Variants in MPP4 observed in about 807,000 individuals in gnomAD.
The protein encoded by MPP4 is MAGUK p55 subfamily member 4.
MPP4 carries 91 observed loss-of-function variants against 98.3 expected under a neutral mutation model. The observed-to-expected ratio is 0.93, with a 90% CI of 0.78 to 1.10. The LOEUF (loss-of-function observed/expected upper bound fraction) is 1.10, where lower values mean the gene tolerates loss of function less well. Ranked by LOEUF, MPP4 falls within the 50% of genes least tolerant of loss-of-function variation. The probability of loss-of-function intolerance (pLI) is 0.00; values close to 1 mark genes in which losing one functional copy is unlikely to be tolerated. For missense variants in MPP4, 744 were observed against 792.9 expected (o/e 0.94, Z 0.74); for synonymous variants, 261 against 271.8 (o/e 0.96, Z 0.39).
chr2:201,654,124 C>T (rs1243391168), intron 18 of MPP4, among the ~76,000 whole-genome samples: 1 of 151,936 alleles, frequency 6.6e-6, no homozygotes, highest in Non-Finnish European at 1.5e-5. Flanking sequence ...TACAGGCATG[C>T]AGCACCACAC....
chr2:201,693,813 T>C, intron 2 of MPP4, 63 bp downstream of exon 2: 1 of 1,581,510 alleles, frequency 6.3e-7, no homozygotes, highest in East Asian at 2.2e-5. Context: ...GCCTATTCAT[T>C]TGATCACATG....
Position 201,660,479 on chromosome 2 carries a change from AAG to A in MPP4, c.1073-135_1073-134del, listed in dbSNP as rs1474240402. 6 of 890,674 alleles carry A rather than the reference AAG, an allele frequency of 6.7e-6. No individual in the cohort carries two copies. In the African/African-American group the frequency reaches 9.9e-5, roughly 15 times the overall value. The allele number at this position is 890,674 out of a possible 1,614,324, so 55.2% of individuals were successfully genotyped here. On this transcript the variant is annotated intron_variant, in intron 14 of 21. Transcript: ENST00000409474. ...ACCACTAGCAAAAGGTAACTCGGGT[AAG>A]GCCTGGCAAGGCAAATGATCACCAC...
In MPP4 at chr2:201,647,761, A is replaced by G. The variant is rs1305921958; in HGVS notation, c.1649T>C (p.Met550Thr). ...TTTCCGAGATTGTTTCATACACCTC[A>G]TATTCGATGGCTTTATAAATATGAC... Reference protein sequence around the residue: ...PYVIFIKPSNMRCMKQSRKNA... With the variant: ...PYVIFIKPSNTRCMKQSRKNA... The change falls in exon 21 of 22, where the codon ATG (methionine) becomes ACG (threonine). Residue 550 changes from methionine (M) to threonine (T), a missense_variant. By Grantham distance (81) the Met-to-Thr change is moderately conservative. Coordinates refer to ENST00000409474, the MANE Select transcript of MPP4 (RefSeq NM_033066.3). 6.2e-7 allele frequency: 1 copy of G among 1,613,956 alleles called. No individual in the cohort carries two copies. The highest frequency in any genetic ancestry group is 8.5e-7 in the Non-Finnish European group (1 of 1,179,834).
chr2:201,667,557 T>C (rs920529266), intron 12 of MPP4, among the ~76,000 whole-genome samples: 9 of 152,228 alleles, frequency 5.9e-5, no homozygotes, highest in African/African-American at 2.2e-4. Flanking sequence ...TTAAATTGAG[T>C]TTTCTTTTAA....
intron 10 of MPP4, among the ~76,000 whole-genome samples, chr2:201,676,940 T>C (rs1688522302): frequency 6.6e-6 from 1 of 152,214 alleles, no homozygotes; most frequent in Non-Finnish European, 1.5e-5. Context: ...CTTCCCTTCC[T>C]TCTGCTCAGT....
At position 201,649,704 on chromosome 2, in the gene MPP4, A is replaced by C; in HGVS notation, c.1476-20T>G. 1 of 1,534,838 alleles carries C rather than the reference A, an allele frequency of 6.5e-7. No individual in the cohort carries two copies. Among genetic ancestry groups the C allele is most frequent in the East Asian group, 2.3e-5 (1 of 44,126 alleles). On this transcript the variant is annotated intron_variant, in intron 19 of 21. Coordinates refer to ENST00000409474, the MANE Select transcript of MPP4 (RefSeq NM_033066.3). The stretch of plus-strand genomic sequence containing the variant: ...AGCATCCTGCAAGAGCAGGCCAAAC[A>C]AAACAGAACACTTTCTACAAGGAAA...
chr2:201,677,138 A>G (rs563660987), intron 10 of MPP4, among the ~76,000 whole-genome samples: 42 of 151,468 alleles, frequency 2.8e-4, no homozygotes, highest in South Asian at 2.7e-3. Context: ...TGGTAGTCTG[A>G]TCTCTCTCTA....
chr2:201,690,046 T>C (rs779549516), intron 4 of MPP4, among the ~76,000 whole-genome samples, 156 bp downstream of exon 4: 4 of 152,208 alleles, frequency 2.6e-5, no homozygotes, highest in Admixed American at 6.5e-5. Context: ...CCAGCCAATG[T>C]TCTTCCTTAT....
intron 5 of MPP4, 135 bp from the exon 6 acceptor site, chr2:201,686,185 G>A: frequency 9.9e-7 from 1 of 1,012,614 alleles, no homozygotes; most frequent in Non-Finnish European, 1.4e-6. Context: ...ACAGTGCGAA[G>A]CATTTTATAT....
At chr2:201,689,265 C>T (rs1225236903) in intron 4 of MPP4, among the ~76,000 whole-genome samples, 2 of 152,124 alleles carry the variant, frequency 1.3e-5, no homozygotes, top group Non-Finnish European at 2.9e-5. Context: ...GCAGAGGTTG[C>T]AGTGAGCAGA....
rs1489162509 is a variant in MPP4 at position 201,656,269 on chromosome 2, C to A, written c.1229G>T (p.Gly410Val). The A allele has an allele frequency of 6.3e-7, 1 of 1,596,700 alleles. No homozygotes were observed. The highest frequency in any genetic ancestry group is 1.1e-5 in the South Asian group (1 of 87,562). ...CCTGSCYSAV[G>V]APYEEVVRYQ... ...CCTCACCACCTCCTCGTAAGGGGCA[C>A]CCACTGCACTGTAGCAGCTGCCGGT... The change falls in exon 17 of 22, where the codon GGT becomes GTT. Residue 410 changes from glycine to valine, a missense_variant. By Grantham distance (109) the Gly-to-Val change is moderately radical (BLOSUM62 -3). Transcript: ENST00000409474.
In MPP4 at chr2:201,660,341, G is replaced by T; in HGVS notation, c.1078C>A (p.Leu360Ile). 1 of 1,613,202 alleles carries T rather than the reference G, an allele frequency of 6.2e-7. No homozygotes were observed. The highest frequency in any genetic ancestry group is 8.5e-7 in the Non-Finnish European group (1 of 1,179,206). The stretch of plus-strand genomic sequence containing the variant: ...AAATAAAAACAATTACCTTCTGAAA[G>T]TTCCTCTGGATATTTGGGTAAGTGC... Reference protein sequence around the residue: ...ADEETFESEELSEDKEEFVGY... With the variant: ...ADEETFESEEISEDKEEFVGY... The change falls in exon 15 of 22, where the codon CTT becomes ATT. Residue 360 changes from leucine (L) to isoleucine (I), a missense_variant. Transcript: ENST00000409474.
intron 9 of MPP4, 146 bp downstream of exon 9, chr2:201,681,350 C>T (rs1007604727): frequency 2.5e-5 from 18 of 713,634 alleles, no homozygotes; most frequent in South Asian, 1.1e-4. Flanking sequence ...TTTTGCTTCT[C>T]GGGCCATCAG....
At chr2:201,675,995 C>A (rs1688497768) in intron 10 of MPP4, among the ~76,000 whole-genome samples, 1 of 152,160 alleles carries the variant, frequency 6.6e-6, no homozygotes, top group Non-Finnish European at 1.5e-5. Context: ...CAGTCTCCAC[C>A]CCAAGCCTTC....
At chr2:201,670,717 A>G (rs1688317608) in intron 11 of MPP4, among the ~76,000 whole-genome samples, 1 of 152,240 alleles carries the variant, frequency 6.6e-6, no homozygotes, top group South Asian at 2.1e-4. Flanking sequence ...AAATATCACT[A>G]CAAAGATTGT....
chr2:201,670,969 C>A (rs1242164063), intron 11 of MPP4, among the ~76,000 whole-genome samples: 1 of 152,178 alleles, frequency 6.6e-6, no homozygotes, highest in Non-Finnish European at 1.5e-5. Flanking sequence ...GGGGAACTCC[C>A]TCCCCTAGCC....
At position 201,645,383 on chromosome 2, in the gene MPP4, C is replaced by T. The variant is rs1240159492; in HGVS notation, c.1741G>A (p.Glu581Lys). The T allele has an allele frequency of 6.2e-7, 1 of 1,613,926 alleles. No individual in the cohort carries two copies. Among genetic ancestry groups the T allele is most frequent in the Non-Finnish European group, 8.5e-7 (1 of 1,179,856 alleles). The change falls in exon 22 of 22, where the codon GAA (glutamate) becomes AAA (lysine). Residue 581 changes from glutamate to lysine, a missense_variant. Physicochemically the swap from Glu to Lys is moderately conservative, Grantham distance 56 (BLOSUM62 1). Coordinates refer to ENST00000409474, the MANE Select transcript of MPP4 (RefSeq NM_033066.3). ...KFKDEDLQEM[E>K]NLAQRMETQF... is the part of the protein sequence containing the mutation. ...GTTTCCATTCTTTGGGCTAAATTTT[C>T]CATCTCTTGTAGGTCTTCATCCTTT...
At chr2:201,647,892 G>T in intron 20 of MPP4, 67 bp from the exon 21 acceptor site, 1 of 1,482,690 alleles carries the variant, frequency 6.7e-7, no homozygotes, top group Non-Finnish European at 9.1e-7. Flanking sequence ...GTCTTGCTCT[G>T]TCACCCAGGC....
chr2:201,681,358 C>T lies in MPP4; in HGVS notation c.732+138G>A, dbSNP rs148994028. Reference sequence around the variant, plus strand: ...TTACTTATTTTGCTTCTCGGGCCATCAGTATTGAAAAATATCCAACACAGT... The same window carrying T: ...TTACTTATTTTGCTTCTCGGGCCATTAGTATTGAAAAATATCCAACACAGT... On this transcript the variant is annotated intron_variant, in intron 9 of 21. Transcript: ENST00000409474. 6,067 of 743,022 alleles carry T rather than the reference C, an allele frequency of 8.2e-3. 42 individuals carry two copies. The highest frequency in any genetic ancestry group is 0.011 in the Non-Finnish European group (4,722 of 437,272). The allele number at this position is 743,022 out of a possible 1,614,324, so 46.0% of individuals were successfully genotyped here.
Sources: gnomAD v4.1 joint callset for allele counts (sites outside exome capture counted in the v4.1 genomes callset) on GRCh38, gnomAD v4.1.1 for gene constraint, MANE v1.5 for transcripts, NCBI Gene and HGNC (gene_info 2026-07-23, HGNC 2026-07-21) for gene names.